The following SYNE1 variants were observed in gnomAD, a reference collection of about 807,000 sequenced individuals.
The protein encoded by SYNE1 is spectrin repeat containing nuclear envelope protein 1, also known as nesprin-1.
In SYNE1, 616 loss-of-function variants were observed where a neutral mutation model predicts 1,111.0. The ratio of observed to expected loss-of-function variants is 0.55; its 90% CI spans 0.52 to 0.59. The LOEUF (loss-of-function observed/expected upper bound fraction) is 0.59. Ranked by LOEUF, SYNE1 falls within the 20% of genes least tolerant of loss-of-function variation. The pLI is 0.00. For missense variants in SYNE1, 10,006 were observed against 10,417.0 expected (o/e 0.96, Z 1.72); for synonymous variants, 3,855 against 3,825.8 (o/e 1.01, Z -0.28).
chr6:152,171,688 G>T (rs1178056230), intron 130 of SYNE1, among the ~76,000 whole-genome samples: 2 of 152,152 alleles, frequency 1.3e-5, no homozygotes, highest in Non-Finnish European at 2.9e-5. Context: ...GAACGCTTGT[G>T]TACTTGCATT....
At chr6:152,560,752 T>A (rs1307935023) in intron 3 of SYNE1, among the ~76,000 whole-genome samples, 1 of 152,202 alleles carries the variant, frequency 6.6e-6, no homozygotes, top group Admixed American at 6.5e-5. Flanking sequence ...GATTCAAGAA[T>A]GGTTCACTAT....
At chr6:152,168,081 G>A (rs775360143) in intron 130 of SYNE1, 3 of 780,722 alleles carry the variant, frequency 3.8e-6, no homozygotes, top group Non-Finnish European at 7.2e-6. Flanking sequence ...TGAAAGCTAT[G>A]TACAATGGAA....
intron 93 of SYNE1, among the ~76,000 whole-genome samples, chr6:152,299,279 G>A (rs938866034): frequency 3.9e-5 from 6 of 152,052 alleles, no homozygotes; most frequent in South Asian, 2.1e-4. Flanking sequence ...ATAATCAGCC[G>A]ACTATAGCTT....
chr6:152,427,082 A>C (rs2098370030), intron 38 of SYNE1, among the ~76,000 whole-genome samples: 1 of 152,238 alleles, frequency 6.6e-6, no homozygotes, highest in South Asian at 2.1e-4. Context: ...TCTAGAAATC[A>C]GTAACATTGC....
chr6:152,181,439 T>C (rs545213155), intron 128 of SYNE1, among the ~76,000 whole-genome samples: 3 of 152,076 alleles, frequency 2.0e-5, no homozygotes, highest in Admixed American at 1.3e-4. Flanking sequence ...ACCACAACAA[T>C]GAAAACCTTG....
intron 31 of SYNE1, 122 bp from the exon 32 acceptor site, chr6:152,441,392 A>C (rs1474266061): frequency 1.9e-6 from 2 of 1,033,528 alleles, no homozygotes; most frequent in African/African-American, 1.6e-5. Context: ...ACACAGTCAC[A>C]ATGAATAGAG....
chr6:152,369,016 A>C lies in SYNE1; in HGVS notation c.9763T>G (p.Ser3255Ala), dbSNP rs1336317915. The C allele has an allele frequency of 6.2e-7, 1 of 1,614,212 alleles. No homozygotes were observed. The highest frequency in any genetic ancestry group is 1.1e-5 in the South Asian group (1 of 91,090). Residue 3255 changes from serine (S) to alanine (A), a missense_variant, in exon 61 of 146, where the codon TCG (serine) becomes GCG (alanine). Transcript: ENST00000367255. ...GCTAGATACTGAGAAGACAGCTGCG[A>C]CACTCTGTGCCTAAAGCTCTTGCTG... The part of the protein sequence containing the change: ...AASKSFRHRV[S>A]QLSSQYLALS...
chr6:152,604,095 TG>T, intron 3 of SYNE1, among the ~76,000 whole-genome samples: 1 of 150,980 alleles, frequency 6.6e-6, no homozygotes, highest in South Asian at 2.1e-4. Context: ...TATAAAAGAG[TG>T]ATGAGTTTGC....
chr6:152,446,028 A>T, intron 29 of SYNE1, among the ~76,000 whole-genome samples: 1 of 152,054 alleles, frequency 6.6e-6, no homozygotes, highest in East Asian at 1.9e-4. Flanking sequence ...GGGCAAAATC[A>T]TGACAGTACT....
intron 3 of SYNE1, among the ~76,000 whole-genome samples, chr6:152,548,299 A>C (rs574538576): frequency 1.3e-5 from 2 of 152,332 alleles, no homozygotes; most frequent in Non-Finnish European, 2.9e-5. Context: ...AGGCTAAGAA[A>C]ACTATCAGTT....
At chr6:152,154,730 T>A (rs1467425499) in intron 133 of SYNE1, among the ~76,000 whole-genome samples, 162 bp downstream of exon 133, 2 of 152,112 alleles carry the variant, frequency 1.3e-5, no homozygotes, top group Non-Finnish European at 2.9e-5. Flanking sequence ...TTCATACGTA[T>A]GACTACGTAT....
chr6:152,440,409 C>A (rs1023762704), intron 32 of SYNE1, among the ~76,000 whole-genome samples: 4 of 152,084 alleles, frequency 2.6e-5, no homozygotes, highest in Admixed American at 6.6e-5. Context: ...TTTACAAATT[C>A]ATTTCCCATT....
At chr6:152,215,126 C>G in intron 121 of SYNE1, 66 bp from the exon 122 acceptor site, 1 of 1,573,358 alleles carries the variant, frequency 6.4e-7, no homozygotes, top group Non-Finnish European at 8.7e-7. Context: ...TTTCAAAGTG[C>G]GCAGTGAATT....
At chr6:152,482,420 G>T (rs2154293678) in intron 14 of SYNE1, among the ~76,000 whole-genome samples, 1 of 152,200 alleles carries the variant, frequency 6.6e-6, no homozygotes, top group Middle Eastern at 3.4e-3. Flanking sequence ...TTTCACATAT[G>T]CAGGAATACC....
Position 152,387,194 on chromosome 6 carries a change from C to T in SYNE1, c.8365G>A (p.Ala2789Thr), listed in dbSNP as rs773394591. 1 of 1,614,128 alleles carries T rather than the reference C, an allele frequency of 6.2e-7. No individual in the cohort carries two copies. The highest frequency in any genetic ancestry group is 8.5e-7 in the Non-Finnish European group (1 of 1,180,010). ...ILSEAEDHTR[A>T]LHRLIAKSRE... Reference sequence around the variant, plus strand: ...GACTTCGCAATTAGACGGTGAAGGGCTCTCGTGTGATCTTCTGCCTCAGAC... The same window carrying T: ...GACTTCGCAATTAGACGGTGAAGGGTTCTCGTGTGATCTTCTGCCTCAGAC... The change falls in exon 54 of 146, where the codon GCC becomes ACC. Residue 2789 changes from alanine to threonine, a missense_variant. This residue lies in a region of SYNE1 where 4,955 missense variants were observed against 5,017.2 expected (regional missense o/e 0.99). Transcript: ENST00000367255.
chr6:152,263,879 C>A (rs1325588975), intron 100 of SYNE1, among the ~76,000 whole-genome samples: 1 of 152,022 alleles, frequency 6.6e-6, no homozygotes, highest in Admixed American at 6.5e-5. Flanking sequence ...AGGCCTATAA[C>A]CCTATCTGGG....
In SYNE1 at chr6:152,321,306, T is replaced by C; in HGVS notation, c.16168A>G (p.Thr5390Ala). 1 of 1,613,912 alleles carries C rather than the reference T, an allele frequency of 6.2e-7. No homozygotes were observed. The highest frequency in any genetic ancestry group is 8.5e-7 in the Non-Finnish European group (1 of 1,179,894). Residue 5390 changes from threonine to alanine, a missense_variant, in exon 84 of 146, where the codon ACC (threonine) becomes GCC (alanine). Physicochemically the swap from Thr to Ala is moderately conservative, Grantham distance 58. Coordinates refer to ENST00000367255, the MANE Select transcript of SYNE1 (RefSeq NM_182961.4). ...AGGGAGAGTTCAGAAGGTAATATGGTATAAAGACCTAAGTACTTCTCCTTC... is the reference window on the plus strand; with the variant it reads ...AGGGAGAGTTCAGAAGGTAATATGGCATAAAGACCTAAGTACTTCTCCTTC... ...EQKEKYLGLYTILPSELSLQL... is the reference protein window; with the variant it reads ...EQKEKYLGLYAILPSELSLQL...
At chr6:152,234,175 T>C (rs2083437512) in intron 111 of SYNE1, among the ~76,000 whole-genome samples, 1 of 152,240 alleles carries the variant, frequency 6.6e-6, no homozygotes, top group African/African-American at 2.4e-5. Context: ...AGAGGCAGTG[T>C]TGAGTCACTG....
intron 62 of SYNE1, among the ~76,000 whole-genome samples, chr6:152,365,235 G>A (rs1464837225): frequency 1.3e-5 from 2 of 152,114 alleles, no homozygotes; most frequent in African/African-American, 4.8e-5. Context: ...GGTGTTGAAG[G>A]TCTGCAGTCT....
Sources: gnomAD v4.1 joint callset for allele counts (sites outside exome capture counted in the v4.1 genomes callset) on GRCh38, gnomAD v4.1.1 for gene constraint, gnomAD v4.1.1 regional missense constraint, MANE v1.5 for transcripts, NCBI Gene and HGNC (gene_info 2026-07-23, HGNC 2026-07-21) for gene names.